Variants in DTNA observed in about 807,000 individuals in gnomAD.
DTNA encodes dystrobrevin alpha.
In DTNA, 43 loss-of-function variants were observed where a neutral mutation model predicts 100.7. That is an observed-to-expected ratio of 0.43 (90% CI 0.33 to 0.55). The LOEUF (loss-of-function observed/expected upper bound fraction) is 0.55. Among genes scored for constraint, DTNA ranks in the 20% least tolerant of loss-of-function variants. The probability of loss-of-function intolerance (pLI) is 0.04; values close to 1 mark genes in which losing one functional copy is unlikely to be tolerated. For synonymous variants in DTNA, 349 were observed against 347.9 expected (o/e 1.00, Z -0.04); for missense variants, 798 against 953.9 (o/e 0.84, Z 2.15).
intron 1 of DTNA, among the ~76,000 whole-genome samples, chr18:34,742,426 G>A (rs1332962845): frequency 3.9e-5 from 6 of 151,982 alleles, no homozygotes; most frequent in African/African-American, 7.3e-5. Flanking sequence ...TGCATTTCTC[G>A]GTTTGTGGGT....
intron 1 of DTNA, among the ~76,000 whole-genome samples, chr18:34,615,001 A>G (rs1409703098): frequency 1.3e-5 from 2 of 152,216 alleles, no homozygotes; most frequent in Non-Finnish European, 2.9e-5. Flanking sequence ...TTGTTTCCTT[A>G]TGTATTACGT....
At chr18:34,845,577 G>A (rs1302846218) in intron 13 of DTNA, among the ~76,000 whole-genome samples, 1 of 152,160 alleles carries the variant, frequency 6.6e-6, no homozygotes. Context: ...AAAACACTGT[G>A]TTGAATTAGA....
At chr18:34,731,306 C>T (rs897974590) in intron 1 of DTNA, among the ~76,000 whole-genome samples, 5 of 151,834 alleles carry the variant, frequency 3.3e-5, no homozygotes, top group Non-Finnish European at 5.9e-5. Context: ...GGTGAAACCC[C>T]GTCTCTATTA....
intron 1 of DTNA, among the ~76,000 whole-genome samples, chr18:34,515,140 C>G (rs940964361): frequency 3.3e-5 from 5 of 152,100 alleles, no homozygotes; most frequent in African/African-American, 1.2e-4. Flanking sequence ...ACCTGACTTT[C>G]TCTACCCTAA....
chr18:34,828,919 A>G (rs965006408), intron 10 of DTNA: 19 of 1,099,250 alleles, frequency 1.7e-5, no homozygotes, highest in African/African-American at 1.1e-4. Flanking sequence ...CTGTGCATCT[A>G]TCTAGGGAAG....
At chr18:34,548,207 A>G (rs1601716162) in intron 1 of DTNA, among the ~76,000 whole-genome samples, 1 of 152,096 alleles carries the variant, frequency 6.6e-6, no homozygotes, top group Non-Finnish European at 1.5e-5. Context: ...GTAATAGCAC[A>G]TTTAATTGAA....
chr18:34,768,188 G>C (rs1043864782), intron 3 of DTNA, among the ~76,000 whole-genome samples: 2 of 152,132 alleles, frequency 1.3e-5, no homozygotes, highest in African/African-American at 4.8e-5. Flanking sequence ...GAAGGCAGAG[G>C]GTAAGTGGTA....
At chr18:34,751,267 A>G (rs2092290509) in intron 1 of DTNA, among the ~76,000 whole-genome samples, 1 of 152,250 alleles carries the variant, frequency 6.6e-6, no homozygotes, top group African/African-American at 2.4e-5. Context: ...GCTTTAATGC[A>G]ACACATGAGT....
At chr18:34,787,301 A>C (rs909235083) in intron 3 of DTNA, among the ~76,000 whole-genome samples, 13 of 152,030 alleles carry the variant, frequency 8.6e-5, no homozygotes, top group African/African-American at 3.1e-4. Context: ...TTTTGTCAAA[A>C]CCCTTTTCCA....
At chr18:34,623,205 A>G (rs975169322) in intron 1 of DTNA, among the ~76,000 whole-genome samples, 17 of 152,170 alleles carry the variant, frequency 1.1e-4, no homozygotes, top group Admixed American at 7.2e-4. Context: ...CAAAAAATGC[A>G]GGCTTCACCT....
At chr18:34,495,819 A>G (rs1394978278) in intron 1 of DTNA, among the ~76,000 whole-genome samples, 2 of 152,208 alleles carry the variant, frequency 1.3e-5, no homozygotes, top group Admixed American at 1.3e-4. Flanking sequence ...ATGTGAAGAA[A>G]GGTCTCAATG....
intron 1 of DTNA, among the ~76,000 whole-genome samples, chr18:34,567,951 T>A (rs1291616844): frequency 6.6e-6 from 1 of 152,220 alleles, no homozygotes; most frequent in East Asian, 1.9e-4. Flanking sequence ...AATTTTATGT[T>A]ATTTTCCTGC....
chr18:34,811,954 A>C lies in DTNA; in HGVS notation c.449-5A>C. ...GAATAATATCTTTCCTTTTCCTTTC[A>C]TCAGATATTTTCTCAATGATTTCTG... On this transcript the variant is annotated splice_polypyrimidine_tract_variant and splice_region_variant and intron_variant, in intron 5 of 22. Transcript: ENST00000444659. 2 of 1,613,912 alleles carry C rather than the reference A, an allele frequency of 1.2e-6. No homozygotes were observed. The highest frequency in any genetic ancestry group is 1.7e-6 in the Non-Finnish European group (2 of 1,179,856).
chr18:34,803,892 A>C (rs923025206), intron 4 of DTNA, among the ~76,000 whole-genome samples: 3 of 152,174 alleles, frequency 2.0e-5, no homozygotes, highest in African/African-American at 7.2e-5. Flanking sequence ...ATCATTTCTT[A>C]ATATAAGAAA....
At chr18:34,750,759 A>G (rs190633843) in intron 1 of DTNA, among the ~76,000 whole-genome samples, 25 of 152,310 alleles carry the variant, frequency 1.6e-4, no homozygotes, top group Admixed American at 1.4e-3. Flanking sequence ...GTAAGGCACC[A>G]TTAGTTTCAG....
At chr18:34,576,567 T>C (rs2048131525) in intron 1 of DTNA, among the ~76,000 whole-genome samples, 1 of 152,190 alleles carries the variant, frequency 6.6e-6, no homozygotes, top group Non-Finnish European at 1.5e-5. Flanking sequence ...CAAGTGATTC[T>C]CCTGGCTTAG....
chr18:34,576,671 C>T (rs1053364104), intron 1 of DTNA, among the ~76,000 whole-genome samples: 1 of 152,124 alleles, frequency 6.6e-6, no homozygotes, highest in African/African-American at 2.4e-5. Context: ...GTTGCCCAGG[C>T]TGGTCTCGAA....
At chr18:34,544,837 T>C (rs2044605630) in intron 1 of DTNA, among the ~76,000 whole-genome samples, 1 of 151,696 alleles carries the variant, frequency 6.6e-6, no homozygotes, top group African/African-American at 2.4e-5. Flanking sequence ...AGACTTGCAA[T>C]GGGTAAAACT....
At chr18:34,771,340 A>C (rs1032867265) in intron 3 of DTNA, among the ~76,000 whole-genome samples, 2 of 152,066 alleles carry the variant, frequency 1.3e-5, no homozygotes, top group Non-Finnish European at 2.9e-5. Context: ...TCTACTAAAA[A>C]TACAAATAAT....
Sources: allele counts gnomAD v4.1 joint callset (sites outside exome capture counted in the v4.1 genomes callset), GRCh38; gene constraint gnomAD v4.1.1; transcripts MANE v1.5; gene names NCBI Gene and HGNC (gene_info 2026-07-23, HGNC 2026-07-21).